The following SCN8A variants were observed in gnomAD, a reference collection of about 807,000 sequenced individuals.
SCN8A encodes the protein sodium voltage-gated channel alpha subunit 8.
In SCN8A, 30 loss-of-function variants were observed where a neutral mutation model predicts 184.1. That is an observed-to-expected ratio of 0.16 (90% CI 0.12 to 0.22). SCN8A has a LOEUF of 0.22. Ranked by LOEUF, SCN8A falls within the 10% of genes least tolerant of loss-of-function variation. The probability of loss-of-function intolerance (pLI) is 1.00; values close to 1 mark genes in which losing one functional copy is unlikely to be tolerated. For synonymous variants in SCN8A, 852 were observed against 907.0 expected, an observed-to-expected ratio of 0.94 and a Z score of 1.09; for missense variants, 1,057 against 2,498.9, an observed-to-expected ratio of 0.42 and a Z score of 12.30.
At chr12:51,691,436 T>TTATATA (rs59060924) in intron 6 of SCN8A, among the ~76,000 whole-genome samples, 1 of 149,382 alleles carries the variant, frequency 6.7e-6, no homozygotes, top group African/African-American at 2.4e-5. Context: ...TATTTATCCT[T>TTATATA]TATATATATA....
intron 26 of SCN8A, among the ~76,000 whole-genome samples, chr12:51,800,273 G>A (rs1269614582): frequency 2.6e-5 from 4 of 152,214 alleles, no homozygotes; most frequent in African/African-American, 7.2e-5. Flanking sequence ...CAATGAAACC[G>A]CATCTGGTAC....
At chr12:51,737,378 G>A (rs989651981) in intron 12 of SCN8A, among the ~76,000 whole-genome samples, 1 of 152,164 alleles carries the variant, frequency 6.6e-6, no homozygotes, top group African/African-American at 2.4e-5. Context: ...ATTTATTTGA[G>A]CTTTATGGAC....
chr12:51,706,399 C>T (rs762542520), intron 10 of SCN8A, 23 bp from the exon 11 acceptor site: 22 of 1,526,318 alleles, frequency 1.4e-5, no homozygotes, highest in Non-Finnish European at 8.8e-7. Context: ...GGTCTGGCTT[C>T]CCTGCTGTGG....
intron 1 of SCN8A, among the ~76,000 whole-genome samples, chr12:51,652,320 G>A (rs1309809678): frequency 6.6e-6 from 1 of 151,962 alleles, no homozygotes. Flanking sequence ...CCTGGCTTAG[G>A]CTGTCATCTC....
chr12:51,603,678 T>C (rs976143644), intron 1 of SCN8A, among the ~76,000 whole-genome samples: 5 of 152,202 alleles, frequency 3.3e-5, no homozygotes, highest in Non-Finnish European at 1.5e-5. Flanking sequence ...CAGCAGCATA[T>C]GCGAGTTCAG....
In SCN8A at chr12:51,765,664, T is replaced by TTTCCTTAGCTC; in HGVS notation, c.2545-7_2545-6insTTCCTTAGCTC. ...TATTTTTTTGTTTGGGTTTTTTTTT[T>TTTCCTTAGCTC]CCTTAGCTCCGAGTCTTCAAATTGG... On this transcript the variant is annotated splice_region_variant and splice_polypyrimidine_tract_variant and intron_variant, in intron 15 of 26. Transcript: ENST00000627620. The TTTCCTTAGCTC allele has an allele frequency of 1.3e-6, 2 of 1,511,186 alleles. No homozygotes were observed. The highest frequency in any genetic ancestry group is 1.3e-5 in the South Asian group (1 of 77,518). 93.6% of individuals were successfully genotyped at this position (1,511,186 alleles called of 1,614,324 possible).
At chr12:51,611,136 T>C (rs971062612) in intron 1 of SCN8A, among the ~76,000 whole-genome samples, 15 of 152,178 alleles carry the variant, frequency 9.9e-5, no homozygotes, top group African/African-American at 3.6e-4. Context: ...TTCATCAGCA[T>C]CTTATAGTTT....
At chr12:51,701,269 T>C (rs1393829826) in intron 8 of SCN8A, 62 bp downstream of exon 8, 1 of 1,050,530 alleles carries the variant, frequency 9.5e-7, no homozygotes, top group Non-Finnish European at 1.4e-6. Flanking sequence ...ATTAGTAGGG[T>C]CAAAATAGGC....
chr12:51,663,417 C>A (rs1399625218), intron 2 of SCN8A, among the ~76,000 whole-genome samples: 3 of 152,174 alleles, frequency 2.0e-5, no homozygotes, highest in African/African-American at 7.2e-5. Flanking sequence ...CTCTCTCAAA[C>A]ACACATTCAA....
intron 1 of SCN8A, among the ~76,000 whole-genome samples, chr12:51,650,088 G>C (rs886655654): frequency 6.6e-6 from 1 of 152,160 alleles, no homozygotes; most frequent in Non-Finnish European, 1.5e-5. Flanking sequence ...AATGCCACCA[G>C]TCTCTTTGCT....
rs71092719 is a variant in SCN8A at position 51,715,657 on chromosome 12, C to CAA, written c.1636-5865_1636-5864dup. Among the ~76,000 whole-genome samples the CAA allele has an allele frequency of 6.5e-3, 468 of 71,816 alleles. 8 individuals carry two copies. Among genetic ancestry groups the CAA allele is most frequent in the African/African-American group, 0.023 (430 of 18,826 alleles). The allele number at this position is 71,816 out of a possible 152,430, so 47.1% of individuals were successfully genotyped here. A position where few individuals can be genotyped will look rare whatever the true frequency, so the allele number is the denominator to read the frequency against. On this transcript the variant is annotated intron_variant, in intron 11 of 26. Coordinates refer to ENST00000627620, the MANE Select transcript of SCN8A (RefSeq NM_001330260.2). ...TGGGTGACAGAGCAAGTCTCTGTCTCAAAAAAAAAAAAAAAAAAAAAAAAA... is the reference window on the plus strand; with the variant it reads ...TGGGTGACAGAGCAAGTCTCTGTCTCAAAAAAAAAAAAAAAAAAAAAAAAAAA...
intron 20 of SCN8A, chr12:51,780,236 G>A (rs779959391): frequency 2.2e-5 from 10 of 456,418 alleles, no homozygotes; most frequent in Non-Finnish European, 4.4e-5. Context: ...ATTTAATGGG[G>A]ACTTCTGGGA....
intron 2 of SCN8A, among the ~76,000 whole-genome samples, chr12:51,680,724 A>G (rs925561425): frequency 3.9e-5 from 6 of 152,194 alleles, no homozygotes; most frequent in African/African-American, 1.4e-4. Context: ...AAATCCTGCC[A>G]GGCGCGGTGA....
At chr12:51,766,891 C>T (rs1268292376) in intron 16 of SCN8A, among the ~76,000 whole-genome samples, 1 of 152,240 alleles carries the variant, frequency 6.6e-6, no homozygotes, top group Non-Finnish European at 1.5e-5. Context: ...TCTTACAGAT[C>T]AGGCCCCTAA....
Position 51,806,598 on chromosome 12 carries a change from A to T in SCN8A, c.5112A>T (p.Ser1704=). The change falls in exon 27 of 27, where the codon TCA becomes TCT. Residue 1704 remains serine (S), a synonymous_variant. Transcript: ENST00000627620. This position sits in a 1 kb window ranked among gnomAD's most constrained non-coding sequence, Gnocchi z 8.7. ...TCTGCCTGTTTCAAATCACAACCTC[A>T]GCTGGTTGGGATGGCCTGCTGCTGC... ...SMICLFQITT[S]AGWDGLLLPI... is the part of the protein sequence containing the mutation. 2 of 1,614,172 alleles carry T rather than the reference A, an allele frequency of 1.2e-6. No individual in the cohort carries two copies.
chr12:51,646,428 T>G (rs971143051), intron 1 of SCN8A, among the ~76,000 whole-genome samples: 12 of 152,226 alleles, frequency 7.9e-5, no homozygotes, highest in Non-Finnish European at 1.8e-4. Context: ...AGTGTTTCAG[T>G]ATTGGATGAC....
At chr12:51,696,196 C>T (rs536832252) in intron 6 of SCN8A, among the ~76,000 whole-genome samples, 6 of 152,168 alleles carry the variant, frequency 3.9e-5, no homozygotes, top group Admixed American at 6.5e-5. Flanking sequence ...TTGTCTGAAT[C>T]GTCTGGAGAG....
intron 18 of SCN8A, 200 bp from the exon 19 acceptor site, chr12:51,770,329 G>A (rs564920146): frequency 1.6e-4 from 98 of 619,012 alleles, no homozygotes; most frequent in Middle Eastern, 4.2e-4. Context: ...TGACTCCTGA[G>A]GGCCTTGCCC....
At chr12:51,707,715 A>T (rs563524178) in intron 11 of SCN8A, among the ~76,000 whole-genome samples, 1 of 152,332 alleles carries the variant, frequency 6.6e-6, no homozygotes, top group South Asian at 2.1e-4. Flanking sequence ...ACATTGGATT[A>T]TATGGTAATT....
Sources: gnomAD v4.1 joint callset for allele counts (sites outside exome capture counted in the v4.1 genomes callset) on GRCh38, gnomAD v4.1.1 for gene constraint, Gnocchi (gnomAD v3.1) non-coding constraint, MANE v1.5 for transcripts, NCBI Gene and HGNC (gene_info 2026-07-23, HGNC 2026-07-21) for gene names.